PACRG: variants seen among roughly 807,000 people sequenced by gnomAD.
PACRG encodes parkin coregulated, also known as parkin coregulated gene protein.
A neutral mutation model predicts 29.7 loss-of-function variants in PACRG; 29 were observed. The ratio of observed to expected loss-of-function variants is 0.98; its 90% confidence interval spans 0.73 to 1.33. PACRG has a LOEUF of 1.33. Ranked by LOEUF, PACRG falls within the 40% of genes most tolerant of loss-of-function variation. The pLI is 0.00. For synonymous variants in PACRG, 116 were observed against 118.7 expected, an observed-to-expected ratio of 0.98 and a Z score of 0.15; for missense variants, 279 against 316.2, an observed-to-expected ratio of 0.88 and a Z score of 0.89.
chr6:163,273,312 A>G (rs1186479079), intron 4 of PACRG, among the ~76,000 whole-genome samples: 1 of 152,122 alleles, frequency 6.6e-6, no homozygotes, highest in African/African-American at 2.4e-5. Context: ...TATCAATGTT[A>G]TACTTCCTCC....
At chr6:162,881,693 T>G (rs6455853) in intron 2 of PACRG, among the ~76,000 whole-genome samples, 104,125 of 148,606 alleles carry the variant, frequency 0.7, 37,468 homozygotes, top group African/African-American at 0.9. Flanking sequence ...TCTCCAACAA[T>G]ACCAGAGACT....
At chr6:162,908,880 G>A (rs1796110572) in intron 2 of PACRG, among the ~76,000 whole-genome samples, 2 of 152,076 alleles carry the variant, frequency 1.3e-5, no homozygotes, top group Admixed American at 1.3e-4. Flanking sequence ...TGGAAGCTGG[G>A]TGGGCATATC....
At chr6:163,191,062 AC>A in intron 4 of PACRG, 1 of 430,596 alleles carries the variant, frequency 2.3e-6, no homozygotes, top group South Asian at 1.7e-5. Context: ...GAAAAACAAA[AC>A]AAACAAACAA....
At position 163,220,369 on chromosome 6, in the gene PACRG, A is replaced by C. The variant is rs111523359; in HGVS notation, c.614-94458A>C. ...CCTCTTGGCAGGGCATTCTGAGACA[A>C]GGGACAGAAGGACTGACTGCTAAGC... On this transcript the variant is annotated intron_variant, in intron 4 of 4. Coordinates refer to ENST00000366888, the MANE Select transcript of PACRG (RefSeq NM_001080379.2). 7.8e-4 allele frequency among the ~76,000 whole-genome samples: 119 copies of C among 152,300 alleles called. 1 individual carries two copies. The highest frequency in any genetic ancestry group is 2.6e-3 in the African/African-American group (107 of 41,560).
chr6:162,763,313 AG>A (rs1314860201), intron 1 of PACRG, among the ~76,000 whole-genome samples: 6 of 152,216 alleles, frequency 3.9e-5, no homozygotes, highest in Non-Finnish European at 5.9e-5. Context: ...GAGAAGCAGC[AG>A]GAAGGAGGGA....
intron 4 of PACRG, among the ~76,000 whole-genome samples, chr6:163,096,060 T>A (rs1814553805): frequency 6.6e-6 from 1 of 152,194 alleles, no homozygotes; most frequent in South Asian, 2.1e-4. Flanking sequence ...AACAAAAATG[T>A]CATGCCTTTT....
rs76711864 is a variant in PACRG at position 163,086,103 on chromosome 6, T to C, written c.464-3156T>C. Among the ~76,000 whole-genome samples the C allele has an allele frequency of 8.5e-3, 1,296 of 152,326 alleles. 20 individuals are homozygous for C. Among genetic ancestry groups the C allele is most frequent in the African/African-American group, 0.03 (1,252 of 41,550 alleles). ...TGAAGCCTAAACCCGTTGAGCATAG[T>C]TGGTAGACTTTGAAAGAATATCAAC... On this transcript the variant is annotated intron_variant, in intron 3 of 4. Coordinates refer to ENST00000366888, the MANE Select transcript of PACRG (RefSeq NM_001080379.2).
intron 4 of PACRG, among the ~76,000 whole-genome samples, chr6:163,200,780 C>T (rs367671677): frequency 1.3e-5 from 2 of 152,178 alleles, no homozygotes; most frequent in African/African-American, 4.8e-5. Context: ...ACCAATTGCC[C>T]CAGTTTGCTC....
At chr6:163,041,607 T>A (rs1808731351) in intron 2 of PACRG, among the ~76,000 whole-genome samples, 1 of 152,208 alleles carries the variant, frequency 6.6e-6, no homozygotes, top group Non-Finnish European at 1.5e-5. Context: ...CAGTTAAATC[T>A]CTTTCCTTCG....
At position 162,945,913 on chromosome 6, in the gene PACRG, C is replaced by T. The variant is rs1798967770; in HGVS notation, c.292-116237C>T. Among the ~76,000 whole-genome samples the T allele has an allele frequency of 1.3e-5, 2 of 152,060 alleles. 1 individual carries two copies. Among genetic ancestry groups the T allele is most frequent in the South Asian group, 4.1e-4 (2 of 4,828 alleles). On this transcript the variant is annotated intron_variant, in intron 2 of 4. Coordinates refer to ENST00000366888, the MANE Select transcript of PACRG (RefSeq NM_001080379.2). ...TAAACAACATGTTCCTGAATGACCA[C>T]TGGGTCATGGAAGAAGTTAAGGAGG...
In PACRG at chr6:162,997,478, G is replaced by A. The variant is rs191213136; in HGVS notation, c.292-64672G>A. On this transcript the variant is annotated intron_variant, in intron 2 of 4. Coordinates refer to ENST00000366888, the MANE Select transcript of PACRG (RefSeq NM_001080379.2). ...TAACAGATGAAAACTACTGACAGACGGCAGCGAATCATGTCTTCCAATGAA... is the reference window on the plus strand; with the variant it reads ...TAACAGATGAAAACTACTGACAGACAGCAGCGAATCATGTCTTCCAATGAA... 7.8e-5 allele frequency: 35 copies of A among 448,500 alleles called. 2 individuals are homozygous for A. In the Middle Eastern group the frequency reaches 5.6e-3, roughly 71 times the overall value. The allele number at this position is 448,500 out of a possible 1,614,324, so 27.8% of individuals were successfully genotyped here. A position where few individuals can be genotyped will look rare whatever the true frequency, so the allele number is the denominator to read the frequency against.
chr6:163,111,083 G>A (rs1815687673), intron 4 of PACRG, among the ~76,000 whole-genome samples: 1 of 150,950 alleles, frequency 6.6e-6, no homozygotes, highest in Admixed American at 6.6e-5. Flanking sequence ...GTCATTTATA[G>A]TCAAGCAATT....
intron 2 of PACRG, among the ~76,000 whole-genome samples, chr6:162,875,839 A>G (rs1333852462): frequency 1.3e-5 from 2 of 152,222 alleles, no homozygotes; most frequent in Admixed American, 1.3e-4. Flanking sequence ...TTCTTCCTCC[A>G]GTATGATCTT....
At chr6:162,735,224 G>T (rs1047812379) in intron 1 of PACRG, among the ~76,000 whole-genome samples, 10 of 152,082 alleles carry the variant, frequency 6.6e-5, no homozygotes. Flanking sequence ...TTTTTTTGGA[G>T]AAAGTATCTA....
intron 4 of PACRG, among the ~76,000 whole-genome samples, chr6:163,292,745 C>A (rs1331612515): frequency 6.6e-6 from 1 of 152,086 alleles, no homozygotes; most frequent in Non-Finnish European, 1.5e-5. Context: ...TTTTAAATGG[C>A]ACACAATTTG....
At chr6:162,743,142 A>G (rs1414386730) in intron 1 of PACRG, among the ~76,000 whole-genome samples, 1 of 152,096 alleles carries the variant, frequency 6.6e-6, no homozygotes, top group South Asian at 2.1e-4. Context: ...ATTTTTTCAT[A>G]TATCTGCTGG....
intron 2 of PACRG, among the ~76,000 whole-genome samples, chr6:162,854,897 C>G (rs1380283694): frequency 6.6e-6 from 1 of 152,226 alleles, no homozygotes; most frequent in Non-Finnish European, 1.5e-5. Context: ...TGGAGGTGCA[C>G]AGAGTCCGAA....
At chr6:162,832,168 T>C (rs946794205) in intron 2 of PACRG, among the ~76,000 whole-genome samples, 35 of 152,224 alleles carry the variant, frequency 2.3e-4, no homozygotes, top group African/African-American at 8.4e-4. Flanking sequence ...CTCCAGAATC[T>C]ATTGCTTCTT....
chr6:162,939,405 GACTT>G (rs1353488348), intron 2 of PACRG, among the ~76,000 whole-genome samples: 1 of 152,182 alleles, frequency 6.6e-6, no homozygotes, highest in Non-Finnish European at 1.5e-5. Flanking sequence ...AAATAGCTGA[GACTT>G]AATTAAACTA....
Sources: allele counts gnomAD v4.1 joint callset (sites outside exome capture counted in the v4.1 genomes callset), GRCh38; gene constraint gnomAD v4.1.1; transcripts MANE v1.5; gene names NCBI Gene and HGNC (gene_info 2026-07-23, HGNC 2026-07-21).